VTCN1: variants seen among roughly 807,000 people sequenced by gnomAD.
VTCN1 encodes V-set domain-containing T-cell activation inhibitor 1.
In VTCN1, 26 loss-of-function variants were observed where a neutral mutation model predicts 26.5. That is an observed-to-expected ratio of 0.98 (90% CI 0.72 to 1.36). The LOEUF is 1.36. Among genes scored for constraint, VTCN1 ranks in the 40% most tolerant of loss-of-function variants. The probability of loss-of-function intolerance (pLI) is 0.00; values close to 1 mark genes in which losing one functional copy is unlikely to be tolerated. For synonymous variants in VTCN1, 116 were observed against 130.7 expected (o/e 0.89, Z 0.77); for missense variants, 298 against 337.7 (o/e 0.88, Z 0.92).
intron 1 of VTCN1, chr1:117,172,570 T>A: frequency 2.2e-6 from 1 of 463,346 alleles, no homozygotes; most frequent in Non-Finnish European, 4.2e-6. Flanking sequence ...TTCATCGCTC[T>A]GAGGCTTATT....
At chr1:117,149,293 G>GGTT (rs1553206855) in intron 4 of VTCN1, among the ~76,000 whole-genome samples, 2 of 141,526 alleles carry the variant, frequency 1.4e-5, no homozygotes, top group Non-Finnish European at 3.1e-5. Context: ...TTTGGGGTGG[G>GGTT]TTTTTTTTTT....
chr1:117,182,289 A>G (rs1647710178), intron 1 of VTCN1, among the ~76,000 whole-genome samples: 1 of 152,196 alleles, frequency 6.6e-6, no homozygotes. Context: ...TCCTAGAAGT[A>G]AGTAGAGGAT....
In VTCN1 at chr1:117,147,690, G is replaced by C; in HGVS notation, c.817C>G (p.Leu273Val). The change falls in exon 5 of 6, where the codon CTG becomes GTG. Residue 273 changes from leucine (L) to valine (V), a missense_variant. Leu to Val is a conservative substitution (Grantham distance 32). Coordinates refer to ENST00000369458, the MANE Select transcript of VTCN1 (RefSeq NM_024626.4). The surrounding 1 kb of genome is among the most constrained non-coding windows in gnomAD (Gnocchi z 4.6). ...SSFFAISWALLPLSPYLMLK is the reference protein window; with the variant it reads ...SSFFAISWALVPLSPYLMLK ...AGCATCAGGTAAGGGCTGAGAGGCA[G>C]AAGTGCCCAGCTGATGGCAAAGAAA... 2 of 1,614,008 alleles carry C rather than the reference G, an allele frequency of 1.2e-6. No individual in the cohort carries two copies. The highest frequency in any genetic ancestry group is 1.7e-6 in the Non-Finnish European group (2 of 1,179,934).
chr1:117,209,379 G>A (rs1015275944), intron 1 of VTCN1, among the ~76,000 whole-genome samples: 4 of 152,178 alleles, frequency 2.6e-5, no homozygotes, highest in Admixed American at 6.5e-5. Flanking sequence ...TGGAGGAATG[G>A]TGGGCATGGA....
intron 1 of VTCN1, among the ~76,000 whole-genome samples, chr1:117,193,261 A>T (rs79232861): frequency 0.18 from 27,807 of 152,172 alleles, 2,944 homozygotes; most frequent in Middle Eastern, 0.27. Context: ...ACCTATCAAT[A>T]ACTACTTTAA....
At chr1:117,209,604 A>G (rs1485889148) in intron 1 of VTCN1, among the ~76,000 whole-genome samples, 3 of 152,326 alleles carry the variant, frequency 2.0e-5, no homozygotes, top group African/African-American at 7.2e-5. Context: ...CTCCTCTGAC[A>G]TAGGTGCTTC....
intron 1 of VTCN1, among the ~76,000 whole-genome samples, chr1:117,201,328 G>A (rs1445865089): frequency 6.6e-6 from 1 of 152,140 alleles, no homozygotes; most frequent in Non-Finnish European, 1.5e-5. Flanking sequence ...CAGGCCTTTA[G>A]ACAAAGCCTG....
chr1:117,199,444 G>C (rs1053297797), intron 1 of VTCN1, among the ~76,000 whole-genome samples: 1 of 152,110 alleles, frequency 6.6e-6, no homozygotes, highest in Admixed American at 6.5e-5. Context: ...TCCTGCCTCA[G>C]CCTCCCGAGT....
At chr1:117,164,683 G>A (rs186744190) in intron 2 of VTCN1, among the ~76,000 whole-genome samples, 1 of 152,326 alleles carries the variant, frequency 6.6e-6, no homozygotes, top group East Asian at 1.9e-4. Flanking sequence ...TATACAGTTA[G>A]TGTGAGCGCT....
chr1:117,153,279 A>G lies in VTCN1; in HGVS notation c.536T>C (p.Val179Ala). 1 of 1,614,108 alleles carries G rather than the reference A, an allele frequency of 6.2e-7. No homozygotes were observed. The highest frequency in any genetic ancestry group is 8.5e-7 in the Non-Finnish European group (1 of 1,180,010). Residue 179 changes from valine to alanine, a missense_variant, in exon 4 of 6, where the codon GTG becomes GCG. Coordinates refer to ENST00000369458, the MANE Select transcript of VTCN1 (RefSeq NM_024626.4). ...EAPRWFPQPT[V>A]VWASQVDQGA... Reference sequence around the variant, plus strand: ...CTGGTCAACTTGGGATGCCCAGACCACTGTGGGCTGGGGGAACCATCGGGG... The same window carrying G: ...CTGGTCAACTTGGGATGCCCAGACCGCTGTGGGCTGGGGGAACCATCGGGG...
chr1:117,147,895 C>G lies in VTCN1; in HGVS notation c.725-113G>C, dbSNP rs967992872. 2 of 1,446,674 alleles carry G rather than the reference C, an allele frequency of 1.4e-6. No individual in the cohort carries two copies. Among genetic ancestry groups the G allele is most frequent in the African/African-American group, 2.9e-5 (2 of 69,880 alleles). 89.6% of individuals were successfully genotyped at this position (1,446,674 alleles called of 1,614,324 possible). A position where few individuals can be genotyped will look rare whatever the true frequency, so the allele number is the denominator to read the frequency against. ...AAAACAGAACAAGTTGTTCCTAATT[C>G]AGGCAATTTTTTACCCCTTTGCCCA... On this transcript the variant is annotated intron_variant, in intron 4 of 5. Transcript: ENST00000369458. This position sits in a 1 kb window ranked among gnomAD's most constrained non-coding sequence, Gnocchi z 4.6.
intron 1 of VTCN1, among the ~76,000 whole-genome samples, chr1:117,195,686 GCATAAGTTGGTAC>G (rs1648473042): frequency 6.6e-6 from 1 of 152,132 alleles, no homozygotes; most frequent in Non-Finnish European, 1.5e-5. Context: ...GTTGGTAGGA[GCATAAGTTGGTAC>G]CAACTTTAGT....
rs1193358913 is a variant in VTCN1, at chr1:117,147,648, C to T, written c.*10G>A. ...AATGACTTTGCATGCTTTTTTGTGG[C>T]CGAGGCACATTATTTTAGCATCAGG... On this transcript the variant is annotated 3_prime_UTR_variant, in exon 5 of 6. Transcript: ENST00000369458. This position sits in a 1 kb window ranked among gnomAD's most constrained non-coding sequence, Gnocchi z 4.6. 3.1e-6 allele frequency: 5 copies of T among 1,610,066 alleles called. No individual in the cohort carries two copies. The highest frequency in any genetic ancestry group is 1.7e-4 in the Middle Eastern group (1 of 6,012).
rs71582595 is a variant in VTCN1 at position 117,210,212 on chromosome 1, T to TCAGCAGCAGCAGCAG, written c.32+597_32+611dup. On this transcript the variant is annotated intron_variant, in intron 1 of 5. Coordinates refer to ENST00000369458, the MANE Select transcript of VTCN1 (RefSeq NM_024626.4). ...GCTTCCTTCTTCCTCTCTGGGGAGT[T>TCAGCAGCAGCAGCAG]CAGCAGCAGCAGCAGCAGCAGCAGC... Among the ~76,000 whole-genome samples the TCAGCAGCAGCAGCAG allele has an allele frequency of 6.6e-3, 999 of 150,232 alleles. 12 individuals carry two copies. Among genetic ancestry groups the TCAGCAGCAGCAGCAG allele is most frequent in the African/African-American group, 0.023 (938 of 40,872 alleles).
In VTCN1 at chr1:117,183,585, G is replaced by T. The variant is rs1647780017; in HGVS notation, c.33-13414C>A. ...TGGCTGTGGCTAAGAAGGGGACCTA[G>T]AGATTCATAATAGCTGTGCTTGAAT... is the stretch of plus-strand genomic sequence containing the variant. On this transcript the variant is annotated intron_variant, in intron 1 of 5. Coordinates refer to ENST00000369458, the MANE Select transcript of VTCN1 (RefSeq NM_024626.4). This position sits in a 1 kb window ranked among gnomAD's most constrained non-coding sequence, Gnocchi z 4.1. Among the ~76,000 whole-genome samples, 1 of 152,210 alleles carries T rather than the reference G, an allele frequency of 6.6e-6. No individual in the cohort carries two copies. The highest frequency in any genetic ancestry group is 2.1e-4 in the South Asian group (1 of 4,834).
At chr1:117,163,338 C>T (rs968747825) in intron 2 of VTCN1, among the ~76,000 whole-genome samples, 1 of 152,182 alleles carries the variant, frequency 6.6e-6, no homozygotes, top group Admixed American at 6.5e-5. Context: ...TTTTTAAAAT[C>T]TGTAAAATGG....
At chr1:117,172,291 C>A in intron 1 of VTCN1, 1 of 509,722 alleles carries the variant, frequency 2.0e-6, no homozygotes, top group Non-Finnish European at 3.9e-6. Context: ...GTTCCCCTGC[C>A]GGCCAAGCCC....
chr1:117,179,704 C>T (rs940196632), intron 1 of VTCN1, among the ~76,000 whole-genome samples: 8 of 152,114 alleles, frequency 5.3e-5, no homozygotes, highest in Non-Finnish European at 7.4e-5. Context: ...TTTGATATTC[C>T]CTGGGATTTG....
At chr1:117,179,802 C>A (rs1451754829) in intron 1 of VTCN1, among the ~76,000 whole-genome samples, 1 of 152,122 alleles carries the variant, frequency 6.6e-6, no homozygotes, top group Non-Finnish European at 1.5e-5. Context: ...GAGTACACTG[C>A]CTCATCGATC....
Sources: gnomAD v4.1 joint callset for allele counts (sites outside exome capture counted in the v4.1 genomes callset) on GRCh38, gnomAD v4.1.1 for gene constraint, Gnocchi (gnomAD v3.1) non-coding constraint, MANE v1.5 for transcripts, NCBI Gene and HGNC (gene_info 2026-07-23, HGNC 2026-07-21) for gene names.